TMEM50A: variants seen among roughly 807,000 people sequenced by gnomAD.
TMEM50A encodes the protein transmembrane protein 50A.
A neutral mutation model predicts 23.9 loss-of-function variants in TMEM50A; 8 were observed. The ratio of observed to expected loss-of-function variants is 0.33; its 90% CI spans 0.20 to 0.60. The LOEUF (loss-of-function observed/expected upper bound fraction) is 0.60, where lower values mean the gene tolerates loss of function less well. Among genes scored for constraint, TMEM50A ranks in the 20% least tolerant of loss-of-function variants. The probability of loss-of-function intolerance (pLI) is 0.81; values close to 1 mark genes in which losing one functional copy is unlikely to be tolerated. For missense variants in TMEM50A, 178 were observed against 192.7 expected, an observed-to-expected ratio of 0.92 and a Z score of 0.45; for synonymous variants, 55 against 60.4, an observed-to-expected ratio of 0.91 and a Z score of 0.41.
Position 25,360,831 on chromosome 1 carries a change from G to A in TMEM50A, c.*126G>A, listed in dbSNP as rs910498443. On this transcript the variant is annotated 3_prime_UTR_variant, in exon 7 of 7. Transcript: ENST00000374358. ...CTGAGTGTAGTCTCAGCTTAAAGTT[G>A]TGTAATACTAAAATCACGAGAACAC... 3 of 984,926 alleles carry A rather than the reference G, an allele frequency of 3.0e-6. No homozygotes were observed. The highest frequency in any genetic ancestry group is 4.5e-6 in the Non-Finnish European group (3 of 660,590). 61.0% of individuals were successfully genotyped at this position (984,926 alleles called of 1,614,324 possible). A position where few individuals can be genotyped will look rare whatever the true frequency, so the allele number is the denominator to read the frequency against.
Position 25,362,218 on chromosome 1 carries a change from A to T in TMEM50A, c.*1513A>T. The T allele has an allele frequency of 1.8e-6, 1 of 549,968 alleles. No homozygotes were observed. The highest frequency in any genetic ancestry group is 3.2e-6 in the Non-Finnish European group (1 of 314,042). The allele number at this position is 549,968 out of a possible 1,614,324, so 34.1% of individuals were successfully genotyped here. The stretch of plus-strand genomic sequence containing the variant: ...AGTTAACTGAGTAGCATGCTTTATT[A>T]AGCATGAGAAAGAATCTTAAGAATT... On this transcript the variant is annotated 3_prime_UTR_variant, in exon 7 of 7. Transcript: ENST00000374358.
intron 2 of TMEM50A, chr1:25,342,607 T>C (rs1264290576): frequency 6.4e-6 from 1 of 155,196 alleles, no homozygotes; most frequent in African/African-American, 2.4e-5. Context: ...TCTGGAAGTT[T>C]ATCATATATC....
intron 3 of TMEM50A, among the ~76,000 whole-genome samples, chr1:25,344,454 T>C (rs1645193441): frequency 6.6e-6 from 1 of 152,230 alleles, no homozygotes; most frequent in South Asian, 2.1e-4. Flanking sequence ...ATTCTTGTAT[T>C]CTTACCAGTT....
At chr1:25,338,960 A>G (rs985167556) in intron 1 of TMEM50A, 3 of 152,154 alleles carry the variant, frequency 2.0e-5, no homozygotes, top group Non-Finnish European at 2.9e-5. Flanking sequence ...CGAAAATAAC[A>G]CTTATTGAAT....
rs143823688 is a variant in TMEM50A, at chr1:25,350,842, T to G, written c.207-784T>G. On this transcript the variant is annotated intron_variant, in intron 3 of 6. Transcript: ENST00000374358. The stretch of plus-strand genomic sequence containing the variant: ...GGTTGCCAAGTAATGCTGATTCCGC[T>G]AGCCTGGGGCCCATGACCACTGCTC... 2.5e-3 allele frequency among the ~76,000 whole-genome samples: 385 copies of G among 152,184 alleles called. 2 individuals carry two copies. Among genetic ancestry groups the G allele is most frequent in the African/African-American group, 8.8e-3 (365 of 41,518 alleles).
chr1:25,348,162 C>T (rs1440888983), intron 3 of TMEM50A, among the ~76,000 whole-genome samples: 1 of 152,152 alleles, frequency 6.6e-6, no homozygotes, highest in African/African-American at 2.4e-5. Context: ...TGTTTATCAT[C>T]TATTTGGCTT....
chr1:25,358,104 C>G (rs1487993983), intron 6 of TMEM50A, among the ~76,000 whole-genome samples: 2 of 152,048 alleles, frequency 1.3e-5, no homozygotes, highest in East Asian at 3.9e-4. Context: ...CCTGCCAGCA[C>G]GCCCAGCTAA....
Position 25,353,019 on chromosome 1 carries a change from A to T in TMEM50A, c.367+45A>T, listed in dbSNP as rs775519467. The T allele has an allele frequency of 5.9e-6, 9 of 1,535,464 alleles. No homozygotes were observed. In the South Asian group the frequency reaches 1.1e-4, roughly 19 times the overall value. On this transcript the variant is annotated intron_variant, in intron 5 of 6. Coordinates refer to ENST00000374358, the MANE Select transcript of TMEM50A (RefSeq NM_014313.4). ...ACAATTTACTTCAGTGGAATACTGGAATTTTGCATTAAAGTTGGTTATTTT... is the reference window on the plus strand; with the variant it reads ...ACAATTTACTTCAGTGGAATACTGGTATTTTGCATTAAAGTTGGTTATTTT...
chr1:25,344,999 G>GT (rs1193419119), intron 3 of TMEM50A, among the ~76,000 whole-genome samples: 1 of 151,776 alleles, frequency 6.6e-6, no homozygotes, highest in Non-Finnish European at 1.5e-5. Context: ...CCAGAAGCCC[G>GT]TATCTGTCTG....
At chr1:25,339,525 G>GCTAC (rs1645144685) in intron 1 of TMEM50A, among the ~76,000 whole-genome samples, 1 of 152,180 alleles carries the variant, frequency 6.6e-6, no homozygotes. Context: ...AAATGATGTG[G>GCTAC]GTAGAGGTAA....
At chr1:25,343,536 G>T (rs1227000539) in intron 3 of TMEM50A, among the ~76,000 whole-genome samples, 1 of 152,046 alleles carries the variant, frequency 6.6e-6, no homozygotes, top group Non-Finnish European at 1.5e-5. Flanking sequence ...AAGGAGAAAG[G>T]GATGTCAATA....
intron 5 of TMEM50A, among the ~76,000 whole-genome samples, chr1:25,354,923 C>T (rs534392011): frequency 1.3e-5 from 2 of 151,970 alleles, no homozygotes; most frequent in East Asian, 2.0e-4. Flanking sequence ...AGGCGCCTGC[C>T]GCCATGTCCA....
chr1:25,340,588 C>A lies in TMEM50A; in HGVS notation c.93+9C>A. On this transcript the variant is annotated intron_variant, in intron 2 of 6. Coordinates refer to ENST00000374358, the MANE Select transcript of TMEM50A (RefSeq NM_014313.4). ...TTGCTGCTGGTGTACTAGTAAGTGT[C>A]ATTGATTATTTGGGCCTTATTTTTT... 6.2e-7 allele frequency: 1 copy of A among 1,606,030 alleles called. No homozygotes were observed. Among genetic ancestry groups the A allele is most frequent in the South Asian group, 1.1e-5 (1 of 89,364 alleles).
At chr1:25,356,713 GA>G in intron 5 of TMEM50A, 79 bp from the exon 6 acceptor site, 1 of 1,060,338 alleles carries the variant, frequency 9.4e-7, no homozygotes, top group Non-Finnish European at 1.4e-6. Context: ...TTCTAGGCAG[GA>G]AAACTGGTAT....
In TMEM50A at chr1:25,360,400, A is replaced by G. The variant is rs146410648; in HGVS notation, c.429-260A>G. Among the ~76,000 whole-genome samples the G allele has an allele frequency of 3.3e-5, 5 of 152,322 alleles. No individual in the cohort carries two copies. The East Asian group carries it at 9.6e-4, about 29-fold the overall frequency. On this transcript the variant is annotated intron_variant, in intron 6 of 6. Coordinates refer to ENST00000374358, the MANE Select transcript of TMEM50A (RefSeq NM_014313.4). The stretch of plus-strand genomic sequence containing the variant: ...TAATGGTTACATAGTAAACACTGGT[A>G]ACTTTTTAAAAGTCACATGTGTATT...
At chr1:25,343,971 A>G (rs1645189381) in intron 3 of TMEM50A, among the ~76,000 whole-genome samples, 1 of 152,124 alleles carries the variant, frequency 6.6e-6, no homozygotes, top group South Asian at 2.1e-4. Flanking sequence ...TTTCAGCTGG[A>G]TGCAGTGACT....
intron 3 of TMEM50A, among the ~76,000 whole-genome samples, chr1:25,345,797 T>TA (rs977087633): frequency 3.0e-4 from 46 of 151,758 alleles, no homozygotes; most frequent in African/African-American, 9.4e-4. Context: ...TTTATTTATT[T>TA]TTTTTTTTGA....
intron 5 of TMEM50A, 29 bp downstream of exon 5, chr1:25,353,003 T>C (rs1645288870): frequency 2.5e-6 from 4 of 1,573,380 alleles, no homozygotes; most frequent in Non-Finnish European, 3.5e-6. Context: ...TACAATTTAC[T>C]TCAGTGGAAT....
chr1:25,346,555 C>G (rs1373176637), intron 3 of TMEM50A, among the ~76,000 whole-genome samples: 1 of 152,138 alleles, frequency 6.6e-6, no homozygotes, highest in Non-Finnish European at 1.5e-5. Flanking sequence ...ACCACCACAC[C>G]CAGCTATTTT....
Sources: gnomAD v4.1 joint callset for allele counts (sites outside exome capture counted in the v4.1 genomes callset) on GRCh38, gnomAD v4.1.1 for gene constraint, MANE v1.5 for transcripts, NCBI Gene and HGNC (gene_info 2026-07-23, HGNC 2026-07-21) for gene names.